The following ZMYM2 variants were observed in gnomAD, a reference collection of about 807,000 sequenced individuals.
ZMYM2 encodes zinc finger MYM-type containing 2, also known as zinc finger MYM-type protein 2.
ZMYM2 carries 56 observed loss-of-function variants against 162.8 expected under a neutral mutation model. The observed-to-expected ratio is 0.34, with a 90% CI of 0.28 to 0.43. The LOEUF (loss-of-function observed/expected upper bound fraction) is 0.43, where lower values mean the gene tolerates loss of function less well. ZMYM2 is among the 20% of genes least tolerant of loss of function. ZMYM2 has a pLI of 1.00. For missense variants in ZMYM2, 1,275 were observed against 1,621.8 expected, an observed-to-expected ratio of 0.79 and a Z score of 3.67; for synonymous variants, 510 against 541.6, an observed-to-expected ratio of 0.94 and a Z score of 0.81.
At chr13:19,963,833 C>A (rs1400397425) in intron 2 of ZMYM2, among the ~76,000 whole-genome samples, 1 of 152,064 alleles carries the variant, frequency 6.6e-6, no homozygotes, top group Non-Finnish European at 1.5e-5. Flanking sequence ...TTTTTAAACT[C>A]TTTTTAAGAG....
the ZMYM2 span, among the ~76,000 whole-genome samples, chr13:19,909,378 T>C: frequency 3.9e-5 from 6 of 151,928 alleles, no homozygotes; most frequent in Non-Finnish European, 8.8e-5. Context: ...TCCTTCTGGC[T>C]GTTGTCTGGT....
In ZMYM2 at chr13:20,062,909, A is replaced by T. The variant is rs745999332; in HGVS notation, c.2975A>T (p.Gln992Leu). ...DLLKNSDPET[Q>L]SSMPDVPYEP... ...TTGAAGAACTCTGACCCAGAGACAC[A>T]GTCCAGCATGCCTGATGTACCATAT... The change falls in exon 18 of 25, where the codon CAG becomes CTG. Residue 992 changes from glutamine to leucine, a missense_variant. Physicochemically the swap from Gln to Leu is moderately radical, Grantham distance 113. Around this residue, in one of 10 missense-constraint regions of ZMYM2, gnomAD observed 229 missense variants for 283.8 expected, o/e 0.81. Coordinates refer to ENST00000610343, the MANE Select transcript of ZMYM2 (RefSeq NM_197968.4). The T allele has an allele frequency of 6.2e-6, 10 of 1,601,786 alleles. No individual in the cohort carries two copies. Among genetic ancestry groups the T allele is most frequent in the Non-Finnish European group, 7.7e-6 (9 of 1,173,036 alleles).
intron 13 of ZMYM2, among the ~76,000 whole-genome samples, chr13:20,051,863 A>T (rs754772201): frequency 6.6e-6 from 1 of 152,190 alleles, no homozygotes; most frequent in African/African-American, 2.4e-5. Flanking sequence ...CTATAACACA[A>T]ATTTTAAAAA....
At chr13:19,977,263 C>T (rs889699159) in intron 2 of ZMYM2, among the ~76,000 whole-genome samples, 22 of 152,220 alleles carry the variant, frequency 1.4e-4, no homozygotes, top group Admixed American at 7.9e-4. Context: ...TCAGGTGATC[C>T]TGCTGCTTTC....
chr13:19,972,388 T>C (rs954833728), intron 2 of ZMYM2, among the ~76,000 whole-genome samples: 7 of 152,212 alleles, frequency 4.6e-5, no homozygotes, highest in Admixed American at 4.6e-4. Context: ...TAGTATGTAT[T>C]ACATTTACCC....
At chr13:20,076,009 A>C (rs188614005) in intron 21 of ZMYM2, among the ~76,000 whole-genome samples, 1 of 150,480 alleles carries the variant, frequency 6.6e-6, no homozygotes, top group East Asian at 1.9e-4. Flanking sequence ...TTTTTTCTTT[A>C]ATCTCCCCAC....
chr13:19,957,947 C>T (rs1256811579), upstream of ZMYM2, among the ~76,000 whole-genome samples: 1 of 152,234 alleles, frequency 6.6e-6, no homozygotes, highest in East Asian at 1.9e-4. Flanking sequence ...GGCCGAATGG[C>T]AGAGTCCAGT....
intron 3 of ZMYM2, among the ~76,000 whole-genome samples, chr13:20,001,011 A>G (rs1950347448): frequency 6.6e-6 from 1 of 152,238 alleles, no homozygotes; most frequent in African/African-American, 2.4e-5. Flanking sequence ...TTCAACCCTC[A>G]TGAATGATGG....
the ZMYM2 span, among the ~76,000 whole-genome samples, chr13:19,909,579 C>T: frequency 1.3e-5 from 2 of 152,018 alleles, no homozygotes; most frequent in South Asian, 2.1e-4. Flanking sequence ...ATTACAGGCA[C>T]GTGACACCAC....
At chr13:19,976,599 A>G (rs780899207) in intron 2 of ZMYM2, among the ~76,000 whole-genome samples, 1 of 152,148 alleles carries the variant, frequency 6.6e-6, no homozygotes, top group Admixed American at 6.5e-5. Context: ...GGTAACCACC[A>G]TTTTACTTTC....
chr13:20,047,953 T>A (rs530815467), intron 12 of ZMYM2, among the ~76,000 whole-genome samples: 47 of 152,190 alleles, frequency 3.1e-4, no homozygotes, highest in South Asian at 8.3e-4. Context: ...CTTTTGATCT[T>A]TGTAAGTTTA....
the ZMYM2 span, among the ~76,000 whole-genome samples, chr13:19,931,547 T>C: frequency 6.6e-6 from 1 of 152,230 alleles, no homozygotes; most frequent in East Asian, 1.9e-4. Context: ...CTTTCCAGAA[T>C]GTCATATAGT....
intron 22 of ZMYM2, 97 bp downstream of exon 22, chr13:20,082,227 T>TAA: frequency 1.1e-6 from 1 of 920,466 alleles, no homozygotes; most frequent in Non-Finnish European, 1.6e-6. Flanking sequence ...TCACTTAAAT[T>TAA]AGATAACATT....
the ZMYM2 span, among the ~76,000 whole-genome samples, chr13:19,937,893 GT>G: frequency 2.0e-5 from 3 of 149,952 alleles, no homozygotes; most frequent in Admixed American, 6.8e-5. Context: ...GTGGTGTTTG[GT>G]TTTTTGTCCT....
At chr13:20,082,219 A>G (rs1416129426) in intron 22 of ZMYM2, 89 bp downstream of exon 22, 8 of 975,706 alleles carry the variant, frequency 8.2e-6, no homozygotes, top group Non-Finnish European at 1.2e-5. Context: ...TAATTAAGTC[A>G]CTTAAATTAG....
the ZMYM2 span, among the ~76,000 whole-genome samples, chr13:19,885,953 A>ATATGTG: frequency 1.3e-4 from 16 of 125,368 alleles, 5 homozygotes; most frequent in African/African-American, 5.3e-4. Flanking sequence ...ATGTATATAC[A>ATATGTG]CATATATATG....
intron 12 of ZMYM2, among the ~76,000 whole-genome samples, chr13:20,042,081 T>G (rs1443621249): frequency 6.6e-6 from 1 of 152,196 alleles, no homozygotes; most frequent in African/African-American, 2.4e-5. Flanking sequence ...TTCTCTACAT[T>G]TCCTGAATTT....
rs375061678 is a variant in ZMYM2, at chr13:20,051,507, T to G, written c.2367T>G (p.His789Gln). The G allele has an allele frequency of 6.2e-7, 1 of 1,613,524 alleles. No individual in the cohort carries two copies. Among genetic ancestry groups the G allele is most frequent in the South Asian group, 1.1e-5 (1 of 91,068 alleles). Residue 789 changes from histidine to glutamine, a missense_variant, in exon 13 of 25, where the codon CAT becomes CAG. His to Gln is a conservative substitution (Grantham distance 24). Coordinates refer to ENST00000610343, the MANE Select transcript of ZMYM2 (RefSeq NM_197968.4). ...ERVQWRGEMK[H>Q]FCDQHCLLRF... ...TTCAGTGGCGTGGGGAAATGAAACA[T>G]TTCTGTGATCAACATTGCTTACTGC...
At chr13:20,053,528 T>A (rs1193914169) in intron 14 of ZMYM2, among the ~76,000 whole-genome samples, 1 of 152,118 alleles carries the variant, frequency 6.6e-6, no homozygotes, top group Non-Finnish European at 1.5e-5. Context: ...GGTGGGCACC[T>A]GTAATCCCAG....
Sources: allele counts gnomAD v4.1 joint callset (sites outside exome capture counted in the v4.1 genomes callset), GRCh38; gene constraint gnomAD v4.1.1; regional missense constraint gnomAD v4.1.1; transcripts MANE v1.5; gene names NCBI Gene and HGNC (gene_info 2026-07-23, HGNC 2026-07-21).